Variants in SLC9B2 observed in about 807,000 individuals in gnomAD.
The protein encoded by SLC9B2 is sodium/hydrogen exchanger 9B2.
Under a neutral mutation model 52.2 loss-of-function variants are expected in SLC9B2, and 39 were observed. The ratio of observed to expected loss-of-function variants is 0.75; its 90% confidence interval spans 0.58 to 0.98. The LOEUF (loss-of-function observed/expected upper bound fraction) is 0.98, where lower values mean the gene tolerates loss of function less well. Among genes scored for constraint, SLC9B2 ranks in the 50% least tolerant of loss-of-function variants. The pLI is 0.00. For synonymous variants in SLC9B2, 214 were observed against 227.0 expected (o/e 0.94, Z 0.51); for missense variants, 626 against 637.5 (o/e 0.98, Z 0.19).
At chr4:103,048,604 T>G in intron 6 of SLC9B2, 1 of 256,068 alleles carries the variant, frequency 3.9e-6, no homozygotes, top group South Asian at 5.2e-5. Flanking sequence ...TTATCCTTTG[T>G]GCAGACGTTA....
At chr4:103,041,080 C>T (rs759291586) in intron 9 of SLC9B2, among the ~76,000 whole-genome samples, 1 of 152,066 alleles carries the variant, frequency 6.6e-6, no homozygotes, top group Non-Finnish European at 1.5e-5. Flanking sequence ...TAATATGTGT[C>T]GAAAACCTCA....
chr4:103,066,205 C>T, intron 3 of SLC9B2, 122 bp downstream of exon 3: 1 of 1,172,740 alleles, frequency 8.5e-7, no homozygotes, highest in Non-Finnish European at 1.2e-6. Context: ...GTGAATTGTT[C>T]ACCAACTAGT....
chr4:103,037,660 A>G (rs1383031873), intron 9 of SLC9B2, among the ~76,000 whole-genome samples: 1 of 152,184 alleles, frequency 6.6e-6, no homozygotes, highest in Non-Finnish European at 1.5e-5. Flanking sequence ...TGAACCCTCC[A>G]CCACTAACTG....
chr4:103,057,674 A>C (rs1745272912), intron 4 of SLC9B2, 127 bp downstream of exon 4: 2 of 1,010,192 alleles, frequency 2.0e-6, no homozygotes, highest in African/African-American at 3.3e-5. Context: ...AAAATTTAAC[A>C]ACTGGCTTTT....
chr4:103,062,250 G>A (rs890797660), intron 3 of SLC9B2, among the ~76,000 whole-genome samples: 17 of 151,874 alleles, frequency 1.1e-4, no homozygotes, highest in Non-Finnish European at 2.4e-4. Flanking sequence ...GTGAAACCCC[G>A]TCTCTACTAA....
At chr4:103,035,828 G>A (rs767240127) in intron 9 of SLC9B2, among the ~76,000 whole-genome samples, 23 of 152,118 alleles carry the variant, frequency 1.5e-4, no homozygotes, top group South Asian at 4.1e-4. Context: ...GAACGTGTAC[G>A]TTCATTAAAG....
At chr4:103,031,129 A>T (rs377719343) in intron 10 of SLC9B2, among the ~76,000 whole-genome samples, 1 of 152,190 alleles carries the variant, frequency 6.6e-6, no homozygotes, top group African/African-American at 2.4e-5. Flanking sequence ...CAGAAGGAGT[A>T]GCGGGAGATG....
chr4:103,043,659 A>ATT (rs1321400078), intron 8 of SLC9B2, among the ~76,000 whole-genome samples: 12 of 152,224 alleles, frequency 7.9e-5, no homozygotes, highest in Non-Finnish European at 1.6e-4. Context: ...AGGAACACCA[A>ATT]TTCTCTCCTC....
At chr4:103,059,638 G>C (rs1745456536) in intron 3 of SLC9B2, among the ~76,000 whole-genome samples, 1 of 152,074 alleles carries the variant, frequency 6.6e-6, no homozygotes, top group Non-Finnish European at 1.5e-5. Context: ...CATATATTTG[G>C]TCTTTTCTTC....
At chr4:103,065,180 GCACA>G (rs58302558) in intron 3 of SLC9B2, among the ~76,000 whole-genome samples, 223 of 145,146 alleles carry the variant, frequency 1.5e-3, no homozygotes, top group Middle Eastern at 0.014. Flanking sequence ...GTACACACAC[GCACA>G]CACACACACA....
Position 103,057,248 on chromosome 4 carries a change from A to ATATATATATGTG in SLC9B2, c.442+552_442+553insCACATATATATA, listed in dbSNP as rs1364656163. On this transcript the variant is annotated intron_variant, in intron 4 of 11. Transcript: ENST00000394785. ...TTTAATGTCAGTTAATTTTAAGTAT[A>ATATATATATGTG]TATATATATATATATATATATATAT... 7.2e-4 allele frequency among the ~76,000 whole-genome samples: 26 copies of ATATATATATGTG among 36,168 alleles called. No individual in the cohort carries two copies. In the African/African-American group the frequency reaches 8.1e-3, roughly 11 times the overall value. The allele number at this position is 36,168 out of a possible 152,430, so 23.7% of individuals were successfully genotyped here.
At chr4:103,067,686 C>A (rs1298864667) in intron 1 of SLC9B2, 94 bp from the exon 2 acceptor site, 3 of 696,884 alleles carry the variant, frequency 4.3e-6, no homozygotes, top group African/African-American at 1.8e-5. Context: ...CTAAAAATTC[C>A]GAATGGCTAA....
chr4:103,044,644 A>C (rs1743943822), intron 8 of SLC9B2, among the ~76,000 whole-genome samples: 1 of 152,214 alleles, frequency 6.6e-6, no homozygotes, highest in East Asian at 1.9e-4. Context: ...CTTTGGAACG[A>C]TATTATTTGT....
upstream of SLC9B2, chr4:103,077,229 A>G (rs1358830276): frequency 2.6e-5 from 4 of 152,224 alleles, no homozygotes; most frequent in Non-Finnish European, 5.9e-5. Context: ...TTTCTCCACC[A>G]GTCAGAAACC....
In SLC9B2 at chr4:103,026,240, G is replaced by T. The variant is rs1033819638; in HGVS notation, c.*130C>A. 5.0e-6 allele frequency: 4 copies of T among 792,762 alleles called. No individual in the cohort carries two copies. The highest frequency in any genetic ancestry group is 1.7e-5 in the African/African-American group (1 of 57,666). The allele number at this position is 792,762 out of a possible 1,614,324, so 49.1% of individuals were successfully genotyped here. A position where few individuals can be genotyped will look rare whatever the true frequency, so the allele number is the denominator to read the frequency against. On this transcript the variant is annotated 3_prime_UTR_variant, in exon 12 of 12. Coordinates refer to ENST00000394785, the MANE Select transcript of SLC9B2 (RefSeq NM_178833.7). Reference sequence around the variant, plus strand: ...CATGGAAAGAGCAAGGGCTAAAAATGCTGTTTAAAGAAACAGCTACACTTT... The same window carrying T: ...CATGGAAAGAGCAAGGGCTAAAAATTCTGTTTAAAGAAACAGCTACACTTT...
chr4:103,040,250 T>TA (rs1277491034), intron 9 of SLC9B2, among the ~76,000 whole-genome samples: 3 of 152,234 alleles, frequency 2.0e-5, no homozygotes, highest in African/African-American at 4.8e-5. Context: ...TTGCTGGGAC[T>TA]AATTGTTTAA....
In SLC9B2 at chr4:103,028,798, T is replaced by G; in HGVS notation, c.1341A>C (p.Leu447Phe). The G allele has an allele frequency of 6.2e-7, 1 of 1,610,238 alleles. No homozygotes were observed. The highest frequency in any genetic ancestry group is 8.5e-7 in the Non-Finnish European group (1 of 1,178,756). The change falls in exon 11 of 12, where the codon TTA (leucine) becomes TTC (phenylalanine). Residue 447 changes from leucine to phenylalanine, a missense_variant. Leu to Phe is a conservative substitution (Grantham distance 22, BLOSUM62 0). Coordinates refer to ENST00000394785, the MANE Select transcript of SLC9B2 (RefSeq NM_178833.7). ...FLMVCFAGFN[L>F]KEKIFISFAW... ...CAAAAGAAATAAATATCTTTTCTTT[T>G]AAGTTAAAACCAGCAAAACACACCA...
intron 4 of SLC9B2, among the ~76,000 whole-genome samples, chr4:103,054,614 A>G (rs1184850257): frequency 6.6e-6 from 1 of 152,212 alleles, no homozygotes; most frequent in Non-Finnish European, 1.5e-5. Context: ...TAAATGAATA[A>G]ACGTGGGTGG....
chr4:103,058,226 A>G (rs541881173), intron 3 of SLC9B2, among the ~76,000 whole-genome samples: 40 of 152,272 alleles, frequency 2.6e-4, no homozygotes, highest in Admixed American at 2.5e-3. Context: ...GCCAGAAGGA[A>G]CCATTATTTT....
Sources: gnomAD v4.1 joint callset for allele counts (sites outside exome capture counted in the v4.1 genomes callset) on GRCh38, gnomAD v4.1.1 for gene constraint, MANE v1.5 for transcripts, NCBI Gene and HGNC (gene_info 2026-07-23, HGNC 2026-07-21) for gene names.